ANKRD11: variants seen among roughly 807,000 people sequenced by gnomAD.
The protein encoded by ANKRD11 is ankyrin repeat domain-containing protein 11.
In ANKRD11, 17 loss-of-function variants were observed where a neutral mutation model predicts 195.7. The ratio of observed to expected loss-of-function variants is 0.09; its 90% CI spans 0.06 to 0.13. The LOEUF (loss-of-function observed/expected upper bound fraction) is 0.13. ANKRD11 is among the 10% of genes least tolerant of loss of function. ANKRD11 has a pLI of 1.00. For missense variants in ANKRD11, 3,735 were observed against 3,566.1 expected (o/e 1.05, Z -1.21); for synonymous variants, 1,953 against 1,528.1 (o/e 1.28, Z -6.49).
intron 2 of ANKRD11, among the ~76,000 whole-genome samples, chr16:89,402,818 TG>T (rs1318037040): frequency 1.0e-4 from 2 of 20,024 alleles, no homozygotes; most frequent in Non-Finnish European, 1.8e-4. Flanking sequence ...GGAATGAGGT[TG>T]GGGGGGCGGC....
intron 1 of ANKRD11, among the ~76,000 whole-genome samples, chr16:89,463,541 C>T (rs932623729): frequency 6.6e-6 from 1 of 152,126 alleles, no homozygotes; most frequent in Non-Finnish European, 1.5e-5. Flanking sequence ...TGCGGAAGGC[C>T]GCAGGGTCCT....
chr16:89,363,990 T>A (rs901212491), intron 2 of ANKRD11, among the ~76,000 whole-genome samples: 1 of 151,644 alleles, frequency 6.6e-6, no homozygotes, highest in African/African-American at 2.4e-5. Flanking sequence ...AGCCCGGGAG[T>A]TGGAGGGTGT....
intron 11 of ANKRD11, 117 bp downstream of exon 11, chr16:89,274,697 C>A: frequency 6.8e-7 from 1 of 1,463,706 alleles, no homozygotes. Context: ...GTAGCCCCTG[C>A]AAGGTGCTGA....
chr16:89,464,107 C>T (rs954922172), intron 1 of ANKRD11, among the ~76,000 whole-genome samples: 10 of 151,608 alleles, frequency 6.6e-5, no homozygotes, highest in East Asian at 5.8e-4. Context: ...GGCATGGTGG[C>T]GGGCGCCTGT....
intron 2 of ANKRD11, among the ~76,000 whole-genome samples, chr16:89,365,757 C>T (rs544581269): frequency 5.9e-4 from 89 of 152,112 alleles, no homozygotes; most frequent in African/African-American, 2.1e-3. Context: ...AGGTTTGTTA[C>T]GTAGGTAAAC....
chr16:89,376,591 C>A (rs1171607708), intron 2 of ANKRD11, among the ~76,000 whole-genome samples: 1 of 152,190 alleles, frequency 6.6e-6, no homozygotes, highest in Non-Finnish European at 1.5e-5. Flanking sequence ...GCGCCCACCA[C>A]CATGCCCGGC....
At chr16:89,475,778 G>A (rs148325319) in intron 1 of ANKRD11, among the ~76,000 whole-genome samples, 337 of 152,182 alleles carry the variant, frequency 2.2e-3, no homozygotes, top group African/African-American at 7.8e-3. Context: ...GGCCAGGTGC[G>A]GGGGCTCACA....
chr16:89,298,957 C>A (rs555808652), intron 4 of ANKRD11: 1 of 152,342 alleles, frequency 6.6e-6, no homozygotes, highest in African/African-American at 2.4e-5. Context: ...AGAATCCTCA[C>A]TGCGGCAACA....
chr16:89,280,311 C>T lies in ANKRD11; in HGVS notation c.6231G>A (p.Leu2077=), dbSNP rs2034083898. The part of the protein sequence containing the change: ...SNCKSLPEAP[L]DVAPEPACVA... ...CACAGGCGGGCTCGGGGGCCACGTCCAGCGGGGCTTCCGGAAGTGACTTGC... is the reference window on the plus strand; with the variant it reads ...CACAGGCGGGCTCGGGGGCCACGTCTAGCGGGGCTTCCGGAAGTGACTTGC... Residue 2077 remains leucine, a synonymous_variant, in exon 9 of 13, where the codon CTG becomes CTA. Transcript: ENST00000301030. 2.5e-6 allele frequency: 4 copies of T among 1,591,844 alleles called. No homozygotes were observed. The East Asian group carries it at 9.0e-5, about 36-fold the overall frequency.
intron 2 of ANKRD11, among the ~76,000 whole-genome samples, chr16:89,381,679 ACT>A (rs1432804784): frequency 6.6e-6 from 1 of 152,158 alleles, no homozygotes; most frequent in African/African-American, 2.4e-5. Context: ...CACCTTCAGA[ACT>A]CTCATCAGGA....
chr16:89,368,655 C>T (rs2040059495), intron 2 of ANKRD11, among the ~76,000 whole-genome samples: 1 of 150,372 alleles, frequency 6.7e-6, no homozygotes, highest in South Asian at 2.1e-4. Flanking sequence ...CATCTGTAAT[C>T]CCAACATTTT....
chr16:89,353,717 T>A (rs982146792), intron 2 of ANKRD11, among the ~76,000 whole-genome samples: 2 of 152,174 alleles, frequency 1.3e-5, no homozygotes, highest in Non-Finnish European at 2.9e-5. Flanking sequence ...TGACCTCAGC[T>A]GATCCGCCTG....
chr16:89,289,676 G>A (rs1453751066), intron 6 of ANKRD11, among the ~76,000 whole-genome samples: 2 of 152,184 alleles, frequency 1.3e-5, no homozygotes, highest in Non-Finnish European at 2.9e-5. Context: ...ACACACCAGG[G>A]ACAGGTCCCT....
chr16:89,324,663 G>C (rs1023489989), intron 2 of ANKRD11: 3 of 374,164 alleles, frequency 8.0e-6, no homozygotes, highest in African/African-American at 6.3e-5. Flanking sequence ...TTTCTTCCAT[G>C]CTGGATACTT....
At chr16:89,418,519 A>C in intron 1 of ANKRD11, 151 bp from the exon 2 acceptor site, 1 of 262,474 alleles carries the variant, frequency 3.8e-6, no homozygotes, top group South Asian at 3.7e-5. Context: ...TCACTGTGCC[A>C]AGGCCAAAAC....
At chr16:89,307,706 G>GCC (rs1470261177) in intron 3 of ANKRD11, among the ~76,000 whole-genome samples, 1 of 152,226 alleles carries the variant, frequency 6.6e-6, no homozygotes, top group Admixed American at 6.5e-5. Context: ...CTTTTCTATG[G>GCC]CCCCCTCGGA....
At chr16:89,312,130 T>C (rs1413217421) in intron 3 of ANKRD11, among the ~76,000 whole-genome samples, 1 of 152,194 alleles carries the variant, frequency 6.6e-6, no homozygotes, top group Non-Finnish European at 1.5e-5. Context: ...ACTCCCGACC[T>C]CGGGTGATCC....
At chr16:89,287,979 C>T (rs1447953945) in intron 7 of ANKRD11, 1 of 478,306 alleles carries the variant, frequency 2.1e-6, no homozygotes, top group Admixed American at 3.7e-5. Context: ...CAGGCAGCAC[C>T]CCTGCTTTCC....
intron 1 of ANKRD11, among the ~76,000 whole-genome samples, chr16:89,457,255 G>A (rs1471392846): frequency 2.8e-5 from 4 of 143,966 alleles, no homozygotes; most frequent in Admixed American, 1.4e-4. Flanking sequence ...CACCGCGCCC[G>A]GCCGAGTCTT....
Sources: allele counts gnomAD v4.1 joint callset (sites outside exome capture counted in the v4.1 genomes callset), GRCh38; gene constraint gnomAD v4.1.1; transcripts MANE v1.5; gene names NCBI Gene and HGNC (gene_info 2026-07-23, HGNC 2026-07-21).